Variants in RALGAPA1 observed in about 807,000 individuals in gnomAD.
RALGAPA1 encodes the protein ral GTPase-activating protein subunit alpha-1.
Under a neutral mutation model 269.6 loss-of-function variants are expected in RALGAPA1, and 52 were observed. The observed-to-expected ratio is 0.19, with a 90% confidence interval of 0.15 to 0.24. The LOEUF is 0.24. Ranked by LOEUF, RALGAPA1 falls within the 10% of genes least tolerant of loss-of-function variation. The probability of loss-of-function intolerance (pLI) is 1.00; values close to 1 mark genes in which losing one functional copy is unlikely to be tolerated. For missense variants in RALGAPA1, 1,917 were observed against 3,013.9 expected, an observed-to-expected ratio of 0.64 and a Z score of 8.52; for synonymous variants, 817 against 1,008.3, an observed-to-expected ratio of 0.81 and a Z score of 3.60.
At chr14:35,562,379 A>AGATGT (rs1231891939) in intron 39 of RALGAPA1, among the ~76,000 whole-genome samples, 1 of 152,190 alleles carries the variant, frequency 6.6e-6, no homozygotes, top group Non-Finnish European at 1.5e-5. Context: ...GTCCTCCCCA[A>AGATGT]GTCATCTGCC....
At chr14:35,751,189 C>A (rs2072652166) in intron 8 of RALGAPA1, among the ~76,000 whole-genome samples, 1 of 152,114 alleles carries the variant, frequency 6.6e-6, no homozygotes, top group African/African-American at 2.4e-5. Context: ...GCTCTAGGCT[C>A]AAGGTTCCAA....
chr14:35,543,586 A>T (rs2054201314), intron 41 of RALGAPA1, among the ~76,000 whole-genome samples: 2 of 152,236 alleles, frequency 1.3e-5, no homozygotes, highest in Admixed American at 1.3e-4. Flanking sequence ...ATAAGTTATT[A>T]AGATTAGCAT....
At chr14:35,668,069 A>G (rs1040283029) in intron 26 of RALGAPA1, among the ~76,000 whole-genome samples, 1 of 152,230 alleles carries the variant, frequency 6.6e-6, no homozygotes, top group African/African-American at 2.4e-5. Context: ...CAAATGCCAC[A>G]TGTTCTCTTT....
At chr14:35,741,907 T>G in intron 11 of RALGAPA1, among the ~76,000 whole-genome samples, 1 of 152,172 alleles carries the variant, frequency 6.6e-6, no homozygotes, top group East Asian at 1.9e-4. Context: ...AAGTTTCACA[T>G]TCTGAAATCA....
At chr14:35,626,955 T>A in intron 34 of RALGAPA1, 135 bp downstream of exon 34, 1 of 838,976 alleles carries the variant, frequency 1.2e-6, no homozygotes. Flanking sequence ...AAAAAAAATC[T>A]GCAAAAAAAT....
chr14:35,780,262 T>C (rs1011407398), intron 1 of RALGAPA1, among the ~76,000 whole-genome samples: 1 of 152,088 alleles, frequency 6.6e-6, no homozygotes, highest in African/African-American at 2.4e-5. Flanking sequence ...TGAAGGAATA[T>C]ACACACAATT....
At chr14:35,556,867 A>C (rs898222937) in intron 39 of RALGAPA1, among the ~76,000 whole-genome samples, 4 of 152,188 alleles carry the variant, frequency 2.6e-5, no homozygotes, top group Non-Finnish European at 5.9e-5. Context: ...TAAAATTTGG[A>C]CCACATATAA....
intron 39 of RALGAPA1, among the ~76,000 whole-genome samples, chr14:35,557,923 A>G (rs920256424): frequency 1.3e-5 from 2 of 152,212 alleles, no homozygotes; most frequent in African/African-American, 4.8e-5. Flanking sequence ...AGCTGAAAAG[A>G]AAGAATCATC....
intron 31 of RALGAPA1, among the ~76,000 whole-genome samples, chr14:35,644,441 A>G (rs978491108): frequency 1.8e-4 from 28 of 152,196 alleles, no homozygotes; most frequent in Admixed American, 1.1e-3. Flanking sequence ...GAAAAAAGTG[A>G]CCTGAACTGA....
At chr14:35,642,600 C>T (rs768178504) in intron 31 of RALGAPA1, among the ~76,000 whole-genome samples, 31 of 152,172 alleles carry the variant, frequency 2.0e-4, no homozygotes, top group Admixed American at 1.3e-4. Context: ...GAGATATCAT[C>T]TCACCTCAGT....
At chr14:35,763,935 C>T (rs1024329214) in intron 4 of RALGAPA1, among the ~76,000 whole-genome samples, 2 of 152,126 alleles carry the variant, frequency 1.3e-5, no homozygotes, top group African/African-American at 4.8e-5. Context: ...CAGCACAAAA[C>T]ATTGACAGAT....
chr14:35,637,235 A>C lies in RALGAPA1; in HGVS notation c.5677-1637T>G, dbSNP rs567511785. 3.0e-4 allele frequency among the ~76,000 whole-genome samples: 45 copies of C among 152,336 alleles called. 1 individual carries two copies. Among genetic ancestry groups the C allele is most frequent in the Middle Eastern group, 6.8e-3 (2 of 294 alleles). ...CACCAAATGAATTAAATAAGGCACC[A>C]ATGACCAATCCCAGAGAGACAGAGA... On this transcript the variant is annotated intron_variant, in intron 31 of 41. Coordinates refer to ENST00000680220, the MANE Select transcript of RALGAPA1 (RefSeq NM_001346249.2).
intron 37 of RALGAPA1, among the ~76,000 whole-genome samples, chr14:35,582,997 A>C (rs1364366254): frequency 6.6e-6 from 1 of 152,084 alleles, no homozygotes; most frequent in African/African-American, 2.4e-5. Flanking sequence ...CCACCATACC[A>C]CTAAAGGCCT....
chr14:35,775,562 A>C, intron 2 of RALGAPA1, 73 bp downstream of exon 2: 1 of 1,491,484 alleles, frequency 6.7e-7, no homozygotes, highest in South Asian at 1.4e-5. Flanking sequence ...AATATGTCCA[A>C]CAGCCTTTAA....
At position 35,685,059 on chromosome 14, in the gene RALGAPA1, G is replaced by T. The variant is rs1200441934; in HGVS notation, c.4164C>A (p.Arg1388=). 1 of 1,600,898 alleles carries T rather than the reference G, an allele frequency of 6.2e-7. No homozygotes were observed. The highest frequency in any genetic ancestry group is 8.5e-7 in the Non-Finnish European group (1 of 1,173,276). The part of the protein sequence containing the change: ...PDILNKQNQM[R]PIDDPGVPSE... The stretch of plus-strand genomic sequence containing the variant: ...AGGGCACACCTGGGTCATCAATAGG[G>T]CGCATCTGGTTCTGCTTGTTTAGAA... The change falls in exon 20 of 42, where the codon CGC becomes CGA. Residue 1388 remains arginine, a synonymous_variant. Transcript: ENST00000680220.
In RALGAPA1 at chr14:35,689,470, C is replaced by T; in HGVS notation, c.2941G>A (p.Asp981Asn). Reference protein sequence around the residue: ...AVNRGERLSLDKLECTDQETE... With the variant: ...AVNRGERLSLNKLECTDQETE... Reference sequence around the variant, plus strand: ...TCCTGATCTGTGCATTCTAATTTATCTAAGGATAATCTTTCACCCCTATTT... The same window carrying T: ...TCCTGATCTGTGCATTCTAATTTATTTAAGGATAATCTTTCACCCCTATTT... Residue 981 changes from aspartate to asparagine, a missense_variant, in exon 18 of 42, where the codon GAT becomes AAT. Asp to Asn is a conservative substitution (Grantham distance 23). Transcript: ENST00000680220. 8.1e-7 allele frequency: 1 copy of T among 1,234,302 alleles called. No homozygotes were observed. Among genetic ancestry groups the T allele is most frequent in the Admixed American group, 4.2e-5 (1 of 23,862 alleles). The allele number at this position is 1,234,302 out of a possible 1,614,324, so 76.5% of individuals were successfully genotyped here.
At position 35,595,800 on chromosome 14, in the gene RALGAPA1, T is replaced by C. The variant is rs766924366; in HGVS notation, c.7054-11A>G. On this transcript the variant is annotated splice_polypyrimidine_tract_variant and intron_variant, in intron 36 of 41. Transcript: ENST00000680220. ...GTTTGTAAGATTTACCTAGAAGTAA[T>C]GAAGAGTCACATAAATTAATTAAAC... 1.9e-6 allele frequency: 3 copies of C among 1,605,356 alleles called. No homozygotes were observed. In the African/African-American group the frequency reaches 4.0e-5, roughly 22 times the overall value.
intron 35 of RALGAPA1, among the ~76,000 whole-genome samples, chr14:35,624,086 CA>C (rs1186043079): frequency 5.2e-3 from 239 of 45,664 alleles, no homozygotes; most frequent in Admixed American, 7.7e-3. Flanking sequence ...GACTCCATCT[CA>C]AAAAAAAAAA....
rs962071099 is a variant in RALGAPA1, at chr14:35,689,605, C to T, written c.2806G>A (p.Asp936Asn). 8.1e-7 allele frequency: 1 copy of T among 1,240,944 alleles called. No homozygotes were observed. Among genetic ancestry groups the T allele is most frequent in the Non-Finnish European group, 1.0e-6 (1 of 993,914 alleles). 76.9% of individuals were successfully genotyped at this position (1,240,944 alleles called of 1,614,324 possible). The change falls in exon 18 of 42, where the codon GAT (aspartate) becomes AAT (asparagine). Residue 936 changes from aspartate to asparagine, a missense_variant. Coordinates refer to ENST00000680220, the MANE Select transcript of RALGAPA1 (RefSeq NM_001346249.2). ...TTCAGGGTGGAAAGAAGATCATCATCTCCTTCAAGGTCAATGTACTGGATT... is the reference window on the plus strand; with the variant it reads ...TTCAGGGTGGAAAGAAGATCATCATTTCCTTCAAGGTCAATGTACTGGATT... ...EQIQYIDLEG[D>N]DDLLSTLKEY... is the part of the protein sequence containing the mutation.
Sources: gnomAD v4.1 joint callset for allele counts (sites outside exome capture counted in the v4.1 genomes callset) on GRCh38, gnomAD v4.1.1 for gene constraint, MANE v1.5 for transcripts, NCBI Gene and HGNC (gene_info 2026-07-23, HGNC 2026-07-21) for gene names.